Variants in NOTCH2 observed in about 807,000 individuals in gnomAD.
NOTCH2 encodes notch receptor 2.
A neutral mutation model predicts 235.8 loss-of-function variants in NOTCH2; 29 were observed. The ratio of observed to expected loss-of-function variants is 0.12; its 90% CI spans 0.09 to 0.17. The LOEUF (loss-of-function observed/expected upper bound fraction) is 0.17. Ranked by LOEUF, NOTCH2 falls within the 10% of genes least tolerant of loss-of-function variation. The pLI is 1.00. For missense variants in NOTCH2, 2,285 were observed against 3,150.2 expected, an observed-to-expected ratio of 0.73 and a Z score of 6.57; for synonymous variants, 1,086 against 1,141.5, an observed-to-expected ratio of 0.95 and a Z score of 0.98.
At chr1:119,924,924 A>G (rs1649419234) in intron 25 of NOTCH2, among the ~76,000 whole-genome samples, 1 of 152,230 alleles carries the variant, frequency 6.6e-6, no homozygotes, top group African/African-American at 2.4e-5. Flanking sequence ...ATAAATCTAG[A>G]TGGGGAAAAA....
intron 1 of NOTCH2, among the ~76,000 whole-genome samples, chr1:120,063,734 G>T (rs1655400463): frequency 6.6e-6 from 1 of 152,144 alleles, no homozygotes; most frequent in Non-Finnish European, 1.5e-5. Context: ...ACTCTGCAGT[G>T]ATTCTAAAAC....
At chr1:120,014,384 C>A (rs772422448) in intron 2 of NOTCH2, among the ~76,000 whole-genome samples, 350 of 152,258 alleles carry the variant, frequency 2.3e-3, no homozygotes, top group Non-Finnish European at 3.2e-3. Context: ...ACAACACGGG[C>A]AACATGGTGA....
At position 119,923,754 on chromosome 1, in the gene NOTCH2, C is replaced by G; in HGVS notation, c.4742G>C (p.Arg1581Pro). 6.2e-7 allele frequency: 1 copy of G among 1,614,140 alleles called. No homozygotes were observed. The highest frequency in any genetic ancestry group is 8.5e-7 in the Non-Finnish European group (1 of 1,180,026). The change falls in exon 26 of 34, where the codon CGG becomes CCG. Residue 1581 changes from arginine to proline, a missense_variant. By Grantham distance (103) the Arg-to-Pro change is moderately radical. Around this residue, in one of 6 missense-constraint regions of NOTCH2, gnomAD observed 1,173 missense variants for 1,515.3 expected, o/e 0.77. Transcript: ENST00000256646. ...TLLHTNLRIK[R>P]DSQGELMVYP... The stretch of plus-strand genomic sequence containing the variant: ...CACCATGAGTTCCCCCTGGGAGTCC[C>G]GCTTAATGCGCAGGTTGGTGTGGAG...
chr1:119,955,469 T>C (rs587701955), intron 12 of NOTCH2, among the ~76,000 whole-genome samples: 2 of 152,354 alleles, frequency 1.3e-5, no homozygotes, highest in Admixed American at 6.5e-5. Flanking sequence ...AAAAGTGTTA[T>C]AGCAATTTGG....
intron 5 of NOTCH2, among the ~76,000 whole-genome samples, chr1:119,982,094 T>A (rs1241965493): frequency 6.6e-6 from 1 of 152,160 alleles, no homozygotes; most frequent in Non-Finnish European, 1.5e-5. Flanking sequence ...AAGGAGCTCA[T>A]GCACCACCTC....
At chr1:120,060,472 A>ATATATAT (rs1655275974) in intron 1 of NOTCH2, among the ~76,000 whole-genome samples, 13 of 144,544 alleles carry the variant, frequency 9.0e-5, no homozygotes, top group African/African-American at 3.3e-4. Context: ...TATATATATA[A>ATATATAT]AAATAAATCA....
chr1:119,926,446 A>C (rs1570664741), intron 24 of NOTCH2, 53 bp downstream of exon 24: 1 of 1,302,832 alleles, frequency 7.7e-7, no homozygotes, highest in East Asian at 2.4e-5. Context: ...TTCTGTTCAC[A>C]GATTGTATGG....
At chr1:120,003,251 T>C (rs199844504) in intron 3 of NOTCH2, among the ~76,000 whole-genome samples, 7 of 151,366 alleles carry the variant, frequency 4.6e-5, no homozygotes, top group African/African-American at 1.2e-4. Flanking sequence ...CCAAGTTCTT[T>C]GGTTTTGGAA....
chr1:119,932,565 C>T (rs1414139574), intron 22 of NOTCH2, among the ~76,000 whole-genome samples: 1 of 152,038 alleles, frequency 6.6e-6, no homozygotes, highest in Non-Finnish European at 1.5e-5. Context: ...CCAGCCTGGG[C>T]AACAAGAGCA....
intron 2 of NOTCH2, among the ~76,000 whole-genome samples, chr1:120,023,960 T>C (rs1245771815): frequency 6.6e-6 from 1 of 152,110 alleles, no homozygotes; most frequent in Non-Finnish European, 1.5e-5. Flanking sequence ...TAGCATGCAA[T>C]AAATAACTCT....
chr1:119,945,004 G>GA lies in NOTCH2; in HGVS notation c.2753-3251dup, dbSNP rs587736349. ...TTTTAAATTATTTTTCAAATATCTT[G>GA]AAAAAAATTGACCTTTTAATTACAT... On this transcript the variant is annotated intron_variant, in intron 17 of 33. Coordinates refer to ENST00000256646, the MANE Select transcript of NOTCH2 (RefSeq NM_024408.4). 2.2e-4 allele frequency among the ~76,000 whole-genome samples: 34 copies of GA among 152,110 alleles called. No homozygotes were observed. The South Asian group carries it at 6.8e-3, about 31-fold the overall frequency.
At chr1:120,023,176 G>A (rs1257411147) in intron 2 of NOTCH2, among the ~76,000 whole-genome samples, 3 of 151,892 alleles carry the variant, frequency 2.0e-5, no homozygotes, top group African/African-American at 4.8e-5. Flanking sequence ...GGTGGCTCAC[G>A]CCTGTAATCC....
chr1:120,010,628 A>G (rs1653151967), intron 2 of NOTCH2, among the ~76,000 whole-genome samples: 1 of 151,750 alleles, frequency 6.6e-6, no homozygotes, highest in African/African-American at 2.4e-5. Flanking sequence ...AGCACTTAGA[A>G]CACTATCCAG....
chr1:120,064,336 A>G (rs1423098502), intron 1 of NOTCH2, among the ~76,000 whole-genome samples: 6 of 150,794 alleles, frequency 4.0e-5, no homozygotes, highest in African/African-American at 1.5e-4. Flanking sequence ...CCGCCAATGC[A>G]TAAGTCAACA....
chr1:120,028,361 C>T (rs1553210368), intron 2 of NOTCH2, among the ~76,000 whole-genome samples: 1 of 147,348 alleles, frequency 6.8e-6, no homozygotes, highest in East Asian at 2.0e-4. Context: ...AACAAGATTT[C>T]AGTGGCCTAC....
At chr1:119,926,451 G>T in intron 24 of NOTCH2, 48 bp downstream of exon 24, 1 of 1,313,084 alleles carries the variant, frequency 7.6e-7, no homozygotes, top group Non-Finnish European at 1.1e-6. Flanking sequence ...TTCACAGATT[G>T]TATGGAAGAG....
At chr1:119,950,213 T>G in intron 15 of NOTCH2, 1 of 341,948 alleles carries the variant, frequency 2.9e-6, no homozygotes, top group Non-Finnish European at 5.7e-6. Flanking sequence ...AAATCCTAGA[T>G]GTACTACTTA....
At chr1:119,965,075 T>C (rs1651085380) in intron 10 of NOTCH2, among the ~76,000 whole-genome samples, 1 of 152,028 alleles carries the variant, frequency 6.6e-6, no homozygotes, top group African/African-American at 2.4e-5. Flanking sequence ...GGGCCTTCTT[T>C]CAGTCACTTG....
intron 5 of NOTCH2, among the ~76,000 whole-genome samples, chr1:119,981,596 T>A (rs1570713362): frequency 6.6e-6 from 1 of 152,088 alleles, no homozygotes; most frequent in African/African-American, 2.4e-5. Flanking sequence ...GCAGGAAAGA[T>A]CCTGCCTGCA....
Sources: gnomAD v4.1 joint callset for allele counts (sites outside exome capture counted in the v4.1 genomes callset) on GRCh38, gnomAD v4.1.1 for gene constraint, gnomAD v4.1.1 regional missense constraint, MANE v1.5 for transcripts, NCBI Gene and HGNC (gene_info 2026-07-23, HGNC 2026-07-21) for gene names.